The following CHCHD6 variants were observed in gnomAD, a reference collection of about 807,000 sequenced individuals.
CHCHD6 encodes the protein coiled-coil-helix-coiled-coil-helix domain containing 6.
Under a neutral mutation model 32.3 loss-of-function variants are expected in CHCHD6, and 28 were observed. The ratio of observed to expected loss-of-function variants is 0.87; its 90% CI spans 0.64 to 1.19. The LOEUF (loss-of-function observed/expected upper bound fraction) is 1.19, where lower values mean the gene tolerates loss of function less well. Ranked by LOEUF, CHCHD6 falls within the 50% of genes most tolerant of loss-of-function variation. The probability of loss-of-function intolerance (pLI) is 0.00; values close to 1 mark genes in which losing one functional copy is unlikely to be tolerated. For synonymous variants in CHCHD6, 122 were observed against 117.5 expected, an observed-to-expected ratio of 1.04 and a Z score of -0.25; for missense variants, 333 against 307.0, an observed-to-expected ratio of 1.08 and a Z score of -0.63.
intron 6 of CHCHD6, among the ~76,000 whole-genome samples, chr3:126,939,527 G>A (rs1405162922): frequency 1.3e-5 from 2 of 152,160 alleles, no homozygotes; most frequent in Non-Finnish European, 2.9e-5. Context: ...ACCAGGAGAT[G>A]TGGGGGGACA....
intron 1 of CHCHD6, among the ~76,000 whole-genome samples, chr3:126,708,168 CTG>C (rs1335864664): frequency 6.6e-6 from 1 of 152,250 alleles, no homozygotes; most frequent in Non-Finnish European, 1.5e-5. Context: ...CATATTCACT[CTG>C]TGCTAAGCAC....
intron 4 of CHCHD6, among the ~76,000 whole-genome samples, chr3:126,745,074 T>TC (rs778194766): frequency 1.6e-4 from 24 of 152,192 alleles, no homozygotes; most frequent in Non-Finnish European, 2.9e-4. Flanking sequence ...GGGACACTCT[T>TC]CCCTGGGATT....
intron 4 of CHCHD6, among the ~76,000 whole-genome samples, chr3:126,849,036 G>C (rs777732349): frequency 6.6e-6 from 1 of 152,250 alleles, no homozygotes; most frequent in African/African-American, 2.4e-5. Context: ...TGATATTGCA[G>C]AGCCAGGAAC....
chr3:126,746,618 G>A (rs1266436373), intron 4 of CHCHD6, among the ~76,000 whole-genome samples: 1 of 152,132 alleles, frequency 6.6e-6, no homozygotes, highest in Non-Finnish European at 1.5e-5. Flanking sequence ...CATGATGTCG[G>A]CACCTTATCT....
intron 5 of CHCHD6, among the ~76,000 whole-genome samples, chr3:126,909,140 G>T (rs1000189835): frequency 6.6e-6 from 1 of 152,258 alleles, no homozygotes; most frequent in Non-Finnish European, 1.5e-5. Flanking sequence ...GTGAATGACT[G>T]CTGTTAACTT....
At chr3:126,866,416 A>G (rs1253088708) in intron 5 of CHCHD6, among the ~76,000 whole-genome samples, 3 of 152,192 alleles carry the variant, frequency 2.0e-5, no homozygotes, top group East Asian at 1.9e-4. Flanking sequence ...AGTGTGTCAC[A>G]TGTACTAATT....
intron 4 of CHCHD6, among the ~76,000 whole-genome samples, chr3:126,737,208 T>C (rs911255018): frequency 1.3e-5 from 2 of 151,956 alleles, no homozygotes; most frequent in Non-Finnish European, 2.9e-5. Context: ...GAATCCCAGC[T>C]ACTTGGGAGG....
intron 6 of CHCHD6, among the ~76,000 whole-genome samples, chr3:126,916,361 A>T (rs574712865): frequency 1.3e-5 from 2 of 151,392 alleles, no homozygotes; most frequent in East Asian, 3.9e-4. Context: ...AGATCGTGCC[A>T]CTGCACTCCA....
chr3:126,755,837 CATGT>C (rs926456789), intron 4 of CHCHD6, among the ~76,000 whole-genome samples: 3 of 128,764 alleles, frequency 2.3e-5, no homozygotes, highest in African/African-American at 1.0e-4. Flanking sequence ...TCTGTGTGTG[CATGT>C]GTGTGTGTGT....
intron 1 of CHCHD6, among the ~76,000 whole-genome samples, chr3:126,719,760 G>A (rs937730344): frequency 6.6e-6 from 1 of 152,204 alleles, no homozygotes; most frequent in Non-Finnish European, 1.5e-5. Flanking sequence ...CTAGCGCATT[G>A]CCATCACAGT....
At chr3:126,807,702 C>T (rs1046128208) in intron 4 of CHCHD6, among the ~76,000 whole-genome samples, 12 of 152,158 alleles carry the variant, frequency 7.9e-5, no homozygotes, top group African/African-American at 2.7e-4. Context: ...TAGACCTATA[C>T]CAGGATACAT....
At chr3:126,818,705 C>T in intron 4 of CHCHD6, among the ~76,000 whole-genome samples, 1 of 152,168 alleles carries the variant, frequency 6.6e-6, no homozygotes, top group South Asian at 2.1e-4. Context: ...GGCCTCATTA[C>T]CAAGGACCGT....
intron 4 of CHCHD6, among the ~76,000 whole-genome samples, chr3:126,764,774 A>G (rs1229156992): frequency 6.6e-6 from 1 of 152,238 alleles, no homozygotes; most frequent in Non-Finnish European, 1.5e-5. Context: ...CAAACGGATC[A>G]GGCTGTCTCC....
intron 4 of CHCHD6, among the ~76,000 whole-genome samples, chr3:126,817,923 T>C (rs1419279373): frequency 6.6e-6 from 1 of 152,142 alleles, no homozygotes; most frequent in African/African-American, 2.4e-5. Context: ...GGCTATAGAG[T>C]GTGCTGAGGA....
At position 126,881,432 on chromosome 3, in the gene CHCHD6, C is replaced by T. The variant is rs775688603; in HGVS notation, c.495+28702C>T. ...CTGAGCGCAGCTTCTCCTGGCTACT[C>T]GCCCCAAGCCCCCCATTGAGCAGGG... is the stretch of plus-strand genomic sequence containing the variant. On this transcript the variant is annotated intron_variant, in intron 5 of 7. Transcript: ENST00000290913. Among the ~76,000 whole-genome samples, 7 of 152,308 alleles carry T rather than the reference C, an allele frequency of 4.6e-5. No individual in the cohort carries two copies. In the South Asian group the frequency reaches 6.2e-4, roughly 14 times the overall value.
chr3:126,806,895 G>A (rs570905988), intron 4 of CHCHD6, among the ~76,000 whole-genome samples: 3 of 152,060 alleles, frequency 2.0e-5, no homozygotes, highest in East Asian at 3.9e-4. Context: ...CATGTCCTTT[G>A]TAGGGACATG....
intron 6 of CHCHD6, among the ~76,000 whole-genome samples, chr3:126,922,622 C>CGTGTGTGT (rs10544737): frequency 6.1e-5 from 9 of 147,740 alleles, no homozygotes; most frequent in Admixed American, 1.3e-4. Context: ...CAGCCCACCA[C>CGTGTGTGT]GTGTGTGTGT....
chr3:126,730,763 A>G (rs992497867), intron 3 of CHCHD6, 133 bp downstream of exon 3: 2 of 679,116 alleles, frequency 2.9e-6, no homozygotes, highest in Non-Finnish European at 5.0e-6. Context: ...GCATTGAAGG[A>G]CAACCCTATG....
At chr3:126,882,077 C>G (rs1432694941) in intron 5 of CHCHD6, among the ~76,000 whole-genome samples, 1 of 152,158 alleles carries the variant, frequency 6.6e-6, no homozygotes, top group Non-Finnish European at 1.5e-5. Flanking sequence ...TTTGTTATCT[C>G]GGAACTCCAA....
Sources: gnomAD v4.1 joint callset for allele counts (sites outside exome capture counted in the v4.1 genomes callset) on GRCh38, gnomAD v4.1.1 for gene constraint, MANE v1.5 for transcripts, NCBI Gene and HGNC (gene_info 2026-07-23, HGNC 2026-07-21) for gene names.